Variants in TBC1D31 observed in about 807,000 individuals in gnomAD.
TBC1D31 encodes TBC1 domain family member 31.
Under a neutral mutation model 132.9 loss-of-function variants are expected in TBC1D31, and 99 were observed. That is an observed-to-expected ratio of 0.74 (90% CI 0.63 to 0.88). The LOEUF (loss-of-function observed/expected upper bound fraction) is 0.88. Ranked by LOEUF, TBC1D31 falls within the 40% of genes least tolerant of loss-of-function variation. The probability of loss-of-function intolerance (pLI) is 0.00; values close to 1 mark genes in which losing one functional copy is unlikely to be tolerated. For missense variants in TBC1D31, 1,134 were observed against 1,256.6 expected (o/e 0.90, Z 1.48); for synonymous variants, 385 against 419.4 (o/e 0.92, Z 1.00).
At chr8:123,130,043 C>T (rs572370062) in intron 15 of TBC1D31, among the ~76,000 whole-genome samples, 155 bp from the exon 16 acceptor site, 1 of 152,290 alleles carries the variant, frequency 6.6e-6, no homozygotes, top group Non-Finnish European at 1.5e-5. Context: ...AAGTATACAT[C>T]ATCTTTGGTA....
intron 6 of TBC1D31, 78 bp from the exon 7 acceptor site, chr8:123,100,729 G>T: frequency 9.4e-7 from 1 of 1,064,038 alleles, no homozygotes; most frequent in Non-Finnish European, 1.4e-6. Flanking sequence ...TTGCATACAC[G>T]TAAAGACGTG....
intron 17 of TBC1D31, among the ~76,000 whole-genome samples, chr8:123,140,383 A>G (rs1821530658): frequency 6.6e-6 from 1 of 152,152 alleles, no homozygotes; most frequent in South Asian, 2.1e-4. Context: ...AGACTAATGC[A>G]TAGCTTGGGA....
chr8:123,142,541 A>G, intron 19 of TBC1D31, 85 bp downstream of exon 19: 5 of 1,176,256 alleles, frequency 4.3e-6, no homozygotes, highest in Non-Finnish European at 5.7e-6. Context: ...TTTGTTGTAC[A>G]GCCTCGAAAT....
intron 20 of TBC1D31, among the ~76,000 whole-genome samples, chr8:123,147,254 C>T (rs1011802836): frequency 1.3e-5 from 2 of 151,910 alleles, no homozygotes; most frequent in Admixed American, 6.6e-5. Context: ...CTCACTGCAA[C>T]CTCCACCTCC....
At chr8:123,082,491 T>G in intron 2 of TBC1D31, 1 of 492,118 alleles carries the variant, frequency 2.0e-6, no homozygotes, top group Non-Finnish European at 3.6e-6. Context: ...CTGATTGTGA[T>G]TCTGCTGTGC....
At chr8:123,120,235 A>G (rs773497810) in intron 11 of TBC1D31, 47 bp downstream of exon 11, 1 of 1,491,896 alleles carries the variant, frequency 6.7e-7, no homozygotes, top group Non-Finnish European at 9.1e-7. Flanking sequence ...GGATTCTTAT[A>G]CATTTTCCTG....
the TBC1D31 span, among the ~76,000 whole-genome samples, chr8:123,162,436 C>A: frequency 6.6e-6 from 1 of 151,840 alleles, no homozygotes; most frequent in Non-Finnish European, 1.5e-5. Flanking sequence ...GCAGGGAGAC[C>A]CCCAGCACAC....
intron 5 of TBC1D31, among the ~76,000 whole-genome samples, chr8:123,096,434 AAT>A (rs1816847327): frequency 6.6e-6 from 1 of 152,222 alleles, no homozygotes; most frequent in Admixed American, 6.5e-5. Context: ...ATCAGGATAG[AAT>A]TCTTCCTCCA....
intron 2 of TBC1D31, among the ~76,000 whole-genome samples, chr8:123,080,396 C>G (rs976603432): frequency 6.6e-6 from 1 of 152,022 alleles, no homozygotes; most frequent in Non-Finnish European, 1.5e-5. Context: ...TGATAAAGAT[C>G]TAAAGTCAAC....
intron 8 of TBC1D31, among the ~76,000 whole-genome samples, chr8:123,105,917 C>T (rs1455323953): frequency 6.6e-6 from 1 of 152,082 alleles, no homozygotes. Context: ...TTGCTCCACG[C>T]TCTCTCTCCC....
At chr8:123,105,769 T>C (rs1007770061) in intron 8 of TBC1D31, among the ~76,000 whole-genome samples, 1 of 152,154 alleles carries the variant, frequency 6.6e-6, no homozygotes, top group African/African-American at 2.4e-5. Flanking sequence ...TCAAGGGATT[T>C]GAAAACTTTT....
chr8:123,128,187 A>T, intron 13 of TBC1D31, 94 bp from the exon 14 acceptor site: 2 of 627,118 alleles, frequency 3.2e-6, no homozygotes. Flanking sequence ...ATATTCTTAA[A>T]GATAGATACA....
At chr8:123,097,188 A>G in intron 5 of TBC1D31, 94 bp from the exon 6 acceptor site, 2 of 1,357,884 alleles carry the variant, frequency 1.5e-6, no homozygotes, top group Non-Finnish European at 2.1e-6. Flanking sequence ...TAGCATAGAC[A>G]CAGTACATTT....
rs377641064 is a variant in TBC1D31 at position 123,142,280 on chromosome 8, G to T, written c.2659G>T (p.Ala887Ser). ...KTQKVIKENL[A>S]KAEQACLNTD... ...TTCCTAGGTGATTAAAGAAAATTTG[G>T]CAAAGGCTGAACAAGCATGCCTAAA... is the stretch of plus-strand genomic sequence containing the variant. Residue 887 changes from alanine (A) to serine (S), a missense_variant, in exon 19 of 22, where the codon GCA becomes TCA. Coordinates refer to ENST00000287380, the MANE Select transcript of TBC1D31 (RefSeq NM_145647.4). 2 of 1,567,906 alleles carry T rather than the reference G, an allele frequency of 1.3e-6. No individual in the cohort carries two copies. Among genetic ancestry groups the T allele is most frequent in the Admixed American group, 4.1e-5 (2 of 48,660 alleles).
intron 3 of TBC1D31, 118 bp from the exon 4 acceptor site, chr8:123,084,043 AG>A: frequency 1.3e-6 from 1 of 786,424 alleles, no homozygotes; most frequent in Non-Finnish European, 2.1e-6. Flanking sequence ...ATATTAATGG[AG>A]GTGCCTCATA....
At chr8:123,092,509 T>G (rs1016309895) in intron 4 of TBC1D31, among the ~76,000 whole-genome samples, 15 of 152,154 alleles carry the variant, frequency 9.9e-5, no homozygotes, top group Non-Finnish European at 1.5e-5. Flanking sequence ...TAACTACTGA[T>G]AGATGTTTAA....
intron 10 of TBC1D31, among the ~76,000 whole-genome samples, chr8:123,112,735 T>C (rs2130588747): frequency 6.6e-6 from 1 of 152,326 alleles, no homozygotes; most frequent in African/African-American, 2.4e-5. Context: ...TTCATAAATG[T>C]TAGATGCTGA....
intron 4 of TBC1D31, among the ~76,000 whole-genome samples, chr8:123,091,901 G>A (rs1289784247): frequency 5.9e-5 from 9 of 152,174 alleles, no homozygotes; most frequent in Admixed American, 5.9e-4. Flanking sequence ...TCCATTAAAT[G>A]AACTGAATCT....
intron 15 of TBC1D31, 38 bp downstream of exon 15, chr8:123,129,256 A>T (rs750566769): frequency 1.5e-6 from 2 of 1,351,722 alleles, no homozygotes; most frequent in South Asian, 1.8e-5. Context: ...CTGGACATAT[A>T]AGTTAGTTGA....
Sources: gnomAD v4.1 joint callset for allele counts (sites outside exome capture counted in the v4.1 genomes callset) on GRCh38, gnomAD v4.1.1 for gene constraint, MANE v1.5 for transcripts, NCBI Gene and HGNC (gene_info 2026-07-23, HGNC 2026-07-21) for gene names.